Variants in ABR observed in about 807,000 individuals in gnomAD.
The protein encoded by ABR is ABR activator of RhoGEF and GTPase, also known as active breakpoint cluster region-related protein.
ABR carries 35 observed loss-of-function variants against 107.2 expected under a neutral mutation model. That is an observed-to-expected ratio of 0.33 (90% CI 0.25 to 0.43). The LOEUF (loss-of-function observed/expected upper bound fraction) is 0.43, where lower values mean the gene tolerates loss of function less well. Among genes scored for constraint, ABR ranks in the 20% least tolerant of loss-of-function variants. ABR has a pLI of 1.00. For synonymous variants in ABR, 498 were observed against 462.0 expected, an observed-to-expected ratio of 1.08 and a Z score of -1.00; for missense variants, 815 against 1,115.2, an observed-to-expected ratio of 0.73 and a Z score of 3.83.
At chr17:1,072,945 C>T (rs1457942309) in intron 7 of ABR, among the ~76,000 whole-genome samples, 191 bp from the exon 8 acceptor site, 2 of 152,174 alleles carry the variant, frequency 1.3e-5, no homozygotes, top group Admixed American at 1.3e-4. Context: ...CTTTGGGAGG[C>T]CGAGGCGGGG....
chr17:1,039,218 G>A (rs968796016), intron 16 of ABR, among the ~76,000 whole-genome samples: 2 of 152,194 alleles, frequency 1.3e-5, no homozygotes, highest in South Asian at 2.1e-4. Context: ...CGGGTCAGGG[G>A]GAGCGGGCGC....
At chr17:1,145,049 AAAAG>A (rs2040472971) in intron 1 of ABR, among the ~76,000 whole-genome samples, 1 of 152,102 alleles carries the variant, frequency 6.6e-6, no homozygotes, top group Non-Finnish European at 1.5e-5. Context: ...ATAAAGGAAA[AAAAG>A]AAAGAAAATA....
chr17:1,200,262 G>T lies in ABR; in HGVS notation c.838+28531C>A, dbSNP rs2042646193. 6.6e-6 allele frequency among the ~76,000 whole-genome samples: 1 copy of T among 152,072 alleles called. No homozygotes were observed. The highest frequency in any genetic ancestry group is 2.4e-5 in the African/African-American group (1 of 41,398). On this transcript the variant is annotated intron_variant, in intron 1 of 22. Coordinates refer to the ABR transcript ENST00000574139. The surrounding 1 kb of genome is among the most constrained non-coding windows in gnomAD (Gnocchi z 4.1). The stretch of plus-strand genomic sequence containing the variant: ...CTAGAGATAAGTTAAAGTACACGGG[G>T]GTCGGGGGCAGGCATGGTGACTCAC...
chr17:1,164,686 A>C (rs1044274008), intron 1 of ABR, among the ~76,000 whole-genome samples: 1 of 152,100 alleles, frequency 6.6e-6, no homozygotes, highest in African/African-American at 2.4e-5. Flanking sequence ...TCTTTTTTTG[A>C]GACAGGGTCT....
At position 1,078,330 on chromosome 17, in the gene ABR, G is replaced by A. The variant is rs375218833; in HGVS notation, c.700+1000C>T. On this transcript the variant is annotated intron_variant, in intron 6 of 22. Transcript: ENST00000302538. This position sits in a 1 kb window ranked among gnomAD's most constrained non-coding sequence, Gnocchi z 7.5. ...CACAATACCGTGCCGCCCAGCCTCC[G>A]CGCCTCTCTCCAGAAACAAAGAAAC... 4.6e-5 allele frequency among the ~76,000 whole-genome samples: 7 copies of A among 152,014 alleles called. No homozygotes were observed. Among genetic ancestry groups the A allele is most frequent in the South Asian group, 2.1e-4 (1 of 4,800 alleles).
At chr17:1,018,245 T>C (rs1052633397) in intron 16 of ABR, among the ~76,000 whole-genome samples, 8 of 150,734 alleles carry the variant, frequency 5.3e-5, no homozygotes, top group East Asian at 3.9e-4. Context: ...GGTTTCACCG[T>C]GTTAGCCAGG....
At position 1,170,597 on chromosome 17, in the gene ABR, T is replaced by G. The variant is rs572177142; in HGVS notation, c.61+9070A>C. ...GATTCTAGGTGCCTGCCACCATGCC[T>G]GGCTAATTTTTGTATTTTAGTAGAA... On this transcript the variant is annotated intron_variant, in intron 1 of 22. Coordinates refer to ENST00000302538, the MANE Select transcript of ABR (RefSeq NM_021962.5). Among the ~76,000 whole-genome samples the G allele has an allele frequency of 1.5e-3, 234 of 152,130 alleles. 7 individuals are homozygous for G. The South Asian group carries it at 0.048, about 31-fold the overall frequency.
chr17:1,220,013 C>T (rs373539239), intron 1 of ABR, among the ~76,000 whole-genome samples: 1 of 152,110 alleles, frequency 6.6e-6, no homozygotes, highest in East Asian at 1.9e-4. Context: ...TTAAAGTGGC[C>T]GGGCGCGGTG....
Position 1,083,634 on chromosome 17 carries a change from G to A in ABR, c.532-7C>T. On this transcript the variant is annotated splice_polypyrimidine_tract_variant and splice_region_variant and intron_variant, in intron 4 of 22. Transcript: ENST00000302538. The stretch of plus-strand genomic sequence containing the variant: ...ACACACCGAGCTGGCTGGCCTGCAG[G>A]GAGGAGTCAGGGAACAGAGGGAGAG... The A allele has an allele frequency of 6.2e-7, 1 of 1,610,970 alleles. No homozygotes were observed.
intron 1 of ABR, among the ~76,000 whole-genome samples, chr17:1,213,695 G>C (rs1377679062): frequency 6.7e-6 from 1 of 149,734 alleles, no homozygotes; most frequent in Admixed American, 6.7e-5. Flanking sequence ...CCGGCCAAAG[G>C]TTACGGTCTT....
At chr17:1,129,399 G>A (rs2039730128) in intron 1 of ABR, among the ~76,000 whole-genome samples, 1 of 152,096 alleles carries the variant, frequency 6.6e-6, no homozygotes, top group Non-Finnish European at 1.5e-5. Context: ...AGGCGTGGTG[G>A]TTGGCGCCTG....
intron 16 of ABR, among the ~76,000 whole-genome samples, chr17:1,046,131 G>A (rs1300024170): frequency 6.7e-6 from 1 of 150,340 alleles, no homozygotes; most frequent in Admixed American, 6.6e-5. Flanking sequence ...CTGGCCTCCC[G>A]AAGTGCTGGG....
At chr17:1,119,696 G>A (rs2039255669) in intron 2 of ABR, among the ~76,000 whole-genome samples, 1 of 152,200 alleles carries the variant, frequency 6.6e-6, no homozygotes, top group Admixed American at 6.5e-5. Flanking sequence ...CAGGGCGGAT[G>A]CACCCCACAA....
chr17:1,020,328 C>T (rs1194304108), intron 16 of ABR, among the ~76,000 whole-genome samples: 1 of 152,224 alleles, frequency 6.6e-6, no homozygotes, highest in East Asian at 1.9e-4. Context: ...GGTGATCCAC[C>T]CGCCTCGGCC....
At chr17:1,111,826 G>T (rs1363694471) in intron 2 of ABR, among the ~76,000 whole-genome samples, 1 of 152,168 alleles carries the variant, frequency 6.6e-6, no homozygotes, top group Admixed American at 6.6e-5. Flanking sequence ...TGCAGCCCTG[G>T]TGTCTTGCTG....
At chr17:1,066,653 C>T (rs1454742969) in intron 10 of ABR, among the ~76,000 whole-genome samples, 6 of 152,014 alleles carry the variant, frequency 3.9e-5, no homozygotes, top group South Asian at 2.1e-4. Flanking sequence ...CTCAGCCTCC[C>T]GAGTAGCTGG....
At position 1,024,765 on chromosome 17, in the gene ABR, G is replaced by A. The variant is rs550526998; in HGVS notation, c.1792-11601C>T. ...GGTGCCACTGCACTCCAGCCTGGGC[G>A]AGAGAGTGAGACTCCCACAAAAAAA... On this transcript the variant is annotated intron_variant, in intron 16 of 22. Coordinates refer to ENST00000302538, the MANE Select transcript of ABR (RefSeq NM_021962.5). 3.3e-4 allele frequency among the ~76,000 whole-genome samples: 43 copies of A among 129,938 alleles called. No homozygotes were observed. In the East Asian group the frequency reaches 6.7e-3, roughly 20 times the overall value. 85.2% of individuals were successfully genotyped at this position (129,938 alleles called of 152,430 possible).
chr17:1,164,907 A>T (rs888934949), intron 1 of ABR, among the ~76,000 whole-genome samples: 3 of 152,136 alleles, frequency 2.0e-5, no homozygotes, highest in Non-Finnish European at 4.4e-5. Context: ...GCCTCAAGTG[A>T]TCCTCCTGGC....
At chr17:1,047,342 T>C (rs1458856310) in intron 16 of ABR, among the ~76,000 whole-genome samples, 1 of 152,248 alleles carries the variant, frequency 6.6e-6, no homozygotes, top group Non-Finnish European at 1.5e-5. Context: ...GACCGTTCCG[T>C]GGCTCCGTGG....
Sources: allele counts gnomAD v4.1 joint callset (sites outside exome capture counted in the v4.1 genomes callset), GRCh38; gene constraint gnomAD v4.1.1; non-coding constraint Gnocchi (gnomAD v3.1); transcripts MANE v1.5; gene names NCBI Gene and HGNC (gene_info 2026-07-23, HGNC 2026-07-21).